Variants in SYT1 observed in about 807,000 individuals in gnomAD.
SYT1 encodes the protein synaptotagmin 1, also known as synaptotagmin-1.
SYT1 carries 8 observed loss-of-function variants against 44.8 expected under a neutral mutation model. The ratio of observed to expected loss-of-function variants is 0.18; its 90% confidence interval spans 0.10 to 0.32. The LOEUF is 0.32. Ranked by LOEUF, SYT1 falls within the 10% of genes least tolerant of loss-of-function variation. SYT1 has a pLI of 1.00. For synonymous variants in SYT1, 154 were observed against 188.8 expected, an observed-to-expected ratio of 0.82 and a Z score of 1.51; for missense variants, 286 against 509.3, an observed-to-expected ratio of 0.56 and a Z score of 4.22.
chr12:78,884,612 A>T (rs919046264), intron 1 of SYT1, among the ~76,000 whole-genome samples: 1 of 151,394 alleles, frequency 6.6e-6, no homozygotes, highest in Non-Finnish European at 1.5e-5. Context: ...CTTTATCATA[A>T]TCTTAGAATA....
At chr12:78,901,640 G>C (rs569852387) in intron 1 of SYT1, among the ~76,000 whole-genome samples, 1 of 152,194 alleles carries the variant, frequency 6.6e-6, no homozygotes, top group South Asian at 2.1e-4. Flanking sequence ...GAGATAATTT[G>C]CTGTTGTGAA....
chr12:79,124,862 G>T (rs1418176665), intron 3 of SYT1, among the ~76,000 whole-genome samples: 1 of 152,006 alleles, frequency 6.6e-6, no homozygotes, highest in Admixed American at 6.6e-5. Flanking sequence ...GTCAAGTATG[G>T]ACTAATTTGA....
rs138286891 is a variant in SYT1 at position 79,206,046 on chromosome 12, A to G, written c.-17-11457A>G. 4.3e-3 allele frequency among the ~76,000 whole-genome samples: 655 copies of G among 152,344 alleles called. 1 individual carries two copies. Among genetic ancestry groups the G allele is most frequent in the African/African-American group, 0.015 (623 of 41,574 alleles). ...AGGAAGCATGTTGAAAACAGTTTCA[A>G]AAATGGTTTCATATAATTTGAATTT... On this transcript the variant is annotated intron_variant, in intron 3 of 10. Transcript: ENST00000261205.
At chr12:79,407,199 ATC>A (rs1419998923) in intron 9 of SYT1, among the ~76,000 whole-genome samples, 1 of 152,078 alleles carries the variant, frequency 6.6e-6, no homozygotes, top group Non-Finnish European at 1.5e-5. Flanking sequence ...CCCCGGGATG[ATC>A]TGTTACTTAT....
At chr12:79,204,500 A>G (rs1159505271) in intron 3 of SYT1, among the ~76,000 whole-genome samples, 1 of 152,196 alleles carries the variant, frequency 6.6e-6, no homozygotes. Context: ...ATTCCAAATT[A>G]TTTATCTGTA....
chr12:79,219,702 G>T (rs1001666488), intron 4 of SYT1, among the ~76,000 whole-genome samples: 11 of 151,968 alleles, frequency 7.2e-5, no homozygotes, highest in Non-Finnish European at 8.8e-5. Context: ...CATCGTCTAT[G>T]TGTCTGTTTT....
intron 8 of SYT1, chr12:79,341,527 C>T (rs983708077): frequency 6.6e-6 from 1 of 152,120 alleles, no homozygotes; most frequent in African/African-American, 2.4e-5. Context: ...ATCACAAGAC[C>T]ACATCTAACT....
chr12:79,309,867 G>T (rs1366480711), intron 8 of SYT1, among the ~76,000 whole-genome samples: 5 of 152,012 alleles, frequency 3.3e-5, no homozygotes, highest in Non-Finnish European at 7.4e-5. Context: ...GGGGTTGTTT[G>T]TTTTTTTCTT....
chr12:78,893,359 A>C (rs1387789457), intron 1 of SYT1, among the ~76,000 whole-genome samples: 1 of 151,790 alleles, frequency 6.6e-6, no homozygotes, highest in Non-Finnish European at 1.5e-5. Context: ...CATATTTTTG[A>C]ATTAAACTTG....
intron 9 of SYT1, among the ~76,000 whole-genome samples, chr12:79,433,784 T>C (rs962732296): frequency 6.6e-6 from 1 of 152,194 alleles, no homozygotes; most frequent in African/African-American, 2.4e-5. Context: ...GCTTGAATTA[T>C]ACATGAAGAA....
intron 4 of SYT1, among the ~76,000 whole-genome samples, chr12:79,265,656 A>AT (rs1390924078): frequency 6.6e-6 from 1 of 152,132 alleles, no homozygotes; most frequent in Non-Finnish European, 1.5e-5. Context: ...CAGAAGCTAC[A>AT]TTTTAGATCC....
chr12:79,192,628 C>T (rs910678234), intron 3 of SYT1, among the ~76,000 whole-genome samples: 2 of 152,066 alleles, frequency 1.3e-5, no homozygotes, highest in African/African-American at 4.8e-5. Flanking sequence ...CCAAGATGAC[C>T]TTTACCCTAT....
At chr12:78,882,816 T>A (rs1874528273) in intron 1 of SYT1, among the ~76,000 whole-genome samples, 1 of 151,776 alleles carries the variant, frequency 6.6e-6, no homozygotes, top group Non-Finnish European at 1.5e-5. Context: ...ATTTTAACCT[T>A]GAGTTTTTAT....
chr12:79,370,442 C>T (rs2136047120), intron 9 of SYT1, among the ~76,000 whole-genome samples: 1 of 152,244 alleles, frequency 6.6e-6, no homozygotes, highest in South Asian at 2.1e-4. Context: ...AGTTCCCAAA[C>T]AAAAGCTAGA....
Position 79,159,020 on chromosome 12 carries a change from A to T in SYT1, c.-17-58483A>T, listed in dbSNP as rs531270710. Among the ~76,000 whole-genome samples the T allele has an allele frequency of 4.6e-5, 7 of 152,322 alleles. 1 individual carries two copies. The highest frequency in any genetic ancestry group is 6.8e-3 in the Middle Eastern group (2 of 294). On this transcript the variant is annotated intron_variant, in intron 3 of 10. Transcript: ENST00000261205. ...AAGGAACCTTGATGAAGTCTGTAAA[A>T]AATGGCATTTAAAGTATGTCAGAGA...
chr12:79,166,153 C>T (rs1426859392), intron 3 of SYT1, among the ~76,000 whole-genome samples: 2 of 151,992 alleles, frequency 1.3e-5, no homozygotes, highest in African/African-American at 2.4e-5. Flanking sequence ...ATCTGGAACT[C>T]AAGAGCCATT....
intron 3 of SYT1, among the ~76,000 whole-genome samples, chr12:79,180,397 A>C (rs1485321824): frequency 6.6e-6 from 1 of 152,080 alleles, no homozygotes; most frequent in Non-Finnish European, 1.5e-5. Context: ...AACATATGTA[A>C]TCATTTAAAG....
chr12:79,070,294 C>G (rs960451924), intron 3 of SYT1, among the ~76,000 whole-genome samples: 11 of 152,100 alleles, frequency 7.2e-5, no homozygotes. Flanking sequence ...GAAATTCTAA[C>G]AACACTCTTG....
chr12:78,875,373 C>T (rs1874011135), intron 1 of SYT1, among the ~76,000 whole-genome samples: 2 of 151,442 alleles, frequency 1.3e-5, no homozygotes, highest in Admixed American at 6.6e-5. Context: ...AACAACAAAA[C>T]ATTGCTATGG....
Sources: gnomAD v4.1 joint callset for allele counts (sites outside exome capture counted in the v4.1 genomes callset) on GRCh38, gnomAD v4.1.1 for gene constraint, MANE v1.5 for transcripts, NCBI Gene and HGNC (gene_info 2026-07-23, HGNC 2026-07-21) for gene names.